The following ARHGAP15 variants were observed in gnomAD, a reference collection of about 807,000 sequenced individuals.
The protein encoded by ARHGAP15 is rho GTPase-activating protein 15.
Under a neutral mutation model 63.7 loss-of-function variants are expected in ARHGAP15, and 51 were observed. The ratio of observed to expected loss-of-function variants is 0.80; its 90% CI spans 0.64 to 1.01. The LOEUF (loss-of-function observed/expected upper bound fraction) is 1.01, where lower values mean the gene tolerates loss of function less well. Among genes scored for constraint, ARHGAP15 ranks in the 50% least tolerant of loss-of-function variants. The probability of loss-of-function intolerance (pLI) is 0.00; values close to 1 mark genes in which losing one functional copy is unlikely to be tolerated. For missense variants in ARHGAP15, 560 were observed against 564.6 expected (o/e 0.99, Z 0.08); for synonymous variants, 191 against 193.8 (o/e 0.99, Z 0.12).
In ARHGAP15 at chr2:143,645,165, A is replaced by C. The variant is rs565254509; in HGVS notation, c.1138+20898A>C. On this transcript the variant is annotated intron_variant, in intron 12 of 13. Coordinates refer to ENST00000295095, the MANE Select transcript of ARHGAP15 (RefSeq NM_018460.4). ...AAAATGAACTTTGGCTAATTTTGGC[A>C]TAAGCTCTCCAGCTCTACAAGCCAA... Among the ~76,000 whole-genome samples, 3 of 152,250 alleles carry C rather than the reference A, an allele frequency of 2.0e-5. No homozygotes were observed. The East Asian group carries it at 5.8e-4, about 29-fold the overall frequency.
intron 10 of ARHGAP15, among the ~76,000 whole-genome samples, chr2:143,533,079 T>C (rs1242547561): frequency 6.6e-6 from 1 of 152,204 alleles, no homozygotes; most frequent in Non-Finnish European, 1.5e-5. Context: ...TAACACACAA[T>C]GACACATTAG....
chr2:143,246,740 A>G (rs1243178055), intron 5 of ARHGAP15, among the ~76,000 whole-genome samples: 1 of 152,072 alleles, frequency 6.6e-6, no homozygotes, highest in African/African-American at 2.4e-5. Context: ...GAAGCCAGGA[A>G]GGAATTCAGA....
rs1488397543 is a variant in ARHGAP15, at chr2:143,720,509, C to T, written c.1244+16985C>T. ...GTCAACTAATTGCTAGAAAAAAAGA[C>T]TGCCCTCTATCGACGCAGATGCACC... On this transcript the variant is annotated intron_variant, in intron 13 of 13. Coordinates refer to ENST00000295095, the MANE Select transcript of ARHGAP15 (RefSeq NM_018460.4). Among the ~76,000 whole-genome samples, 5 of 152,130 alleles carry T rather than the reference C, an allele frequency of 3.3e-5. No homozygotes were observed. The East Asian group carries it at 9.7e-4, about 29-fold the overall frequency.
intron 6 of ARHGAP15, among the ~76,000 whole-genome samples, chr2:143,270,648 A>C (rs1681232309): frequency 6.6e-6 from 1 of 152,154 alleles, no homozygotes; most frequent in Admixed American, 6.5e-5. Flanking sequence ...GAGACATTTT[A>C]TTTCTTTGGT....
intron 13 of ARHGAP15, among the ~76,000 whole-genome samples, chr2:143,761,663 C>G (rs1334429445): frequency 6.6e-6 from 1 of 152,118 alleles, no homozygotes; most frequent in Non-Finnish European, 1.5e-5. Context: ...TAAGAAATTT[C>G]TTTGAATTAG....
chr2:143,538,000 C>G (rs997911093), intron 10 of ARHGAP15, among the ~76,000 whole-genome samples: 4 of 152,166 alleles, frequency 2.6e-5, no homozygotes, highest in Non-Finnish European at 5.9e-5. Context: ...ATTGATTCTT[C>G]CTACCCATGA....
chr2:143,740,575 T>C (rs555181512), intron 13 of ARHGAP15, among the ~76,000 whole-genome samples: 2 of 152,290 alleles, frequency 1.3e-5, no homozygotes, highest in South Asian at 4.1e-4. Context: ...GTTGATACTG[T>C]TTGAGAAATT....
chr2:143,402,924 A>G (rs1688046937), intron 6 of ARHGAP15, among the ~76,000 whole-genome samples: 1 of 151,784 alleles, frequency 6.6e-6, no homozygotes, highest in African/African-American at 2.4e-5. Flanking sequence ...GACAACCTAT[A>G]TTTTTCTTAT....
chr2:143,601,892 A>G (rs1357668485), intron 11 of ARHGAP15, among the ~76,000 whole-genome samples: 1 of 152,146 alleles, frequency 6.6e-6, no homozygotes, highest in Non-Finnish European at 1.5e-5. Context: ...TACTTAGCTT[A>G]CCTTTTTTAC....
intron 9 of ARHGAP15, among the ~76,000 whole-genome samples, chr2:143,494,845 G>GAATGCTTT (rs2104917476): frequency 6.6e-6 from 1 of 152,294 alleles, no homozygotes; most frequent in Non-Finnish European, 1.5e-5. Context: ...AAAGGATACA[G>GAATGCTTT]AATGCTTTAT....
At chr2:143,375,378 CT>C (rs1232490501) in intron 6 of ARHGAP15, among the ~76,000 whole-genome samples, 1 of 152,120 alleles carries the variant, frequency 6.6e-6, no homozygotes, top group Non-Finnish European at 1.5e-5. Context: ...TTTTCTGTGA[CT>C]TTTATGGCCT....
chr2:143,633,210 C>A (rs759790353), intron 12 of ARHGAP15, among the ~76,000 whole-genome samples: 2 of 152,070 alleles, frequency 1.3e-5, no homozygotes, highest in African/African-American at 4.8e-5. Context: ...CACGTGTGCA[C>A]GCAAACTGGA....
chr2:143,665,815 A>G (rs1319465101), intron 12 of ARHGAP15, among the ~76,000 whole-genome samples: 2 of 151,532 alleles, frequency 1.3e-5, no homozygotes, highest in African/African-American at 4.8e-5. Flanking sequence ...ACTCCCATTC[A>G]CAATTGCTTC....
intron 6 of ARHGAP15, among the ~76,000 whole-genome samples, chr2:143,401,795 CGGT>C (rs1687998368): frequency 6.6e-6 from 1 of 151,844 alleles, no homozygotes; most frequent in South Asian, 2.1e-4. Context: ...TTTTTCCTAT[CGGT>C]GGTGTGTGTC....
rs70982879 is a variant in ARHGAP15 at position 143,673,758 on chromosome 2, G to GTATATATATATA, written c.1139-29646_1139-29635dup. Reference sequence around the variant, plus strand: ...TGTGTGTGTGTGTGTGTGTGTGTGTGTATATATATATATATATATATATAT... The same window carrying GTATATATATATA: ...TGTGTGTGTGTGTGTGTGTGTGTGTGTATATATATATATATATATATATATATATATATATAT... On this transcript the variant is annotated intron_variant, in intron 12 of 13. Transcript: ENST00000295095. 7.3e-3 allele frequency among the ~76,000 whole-genome samples: 162 copies of GTATATATATATA among 22,116 alleles called. 13 individuals carry two copies. The highest frequency in any genetic ancestry group is 0.016 in the East Asian group (5 of 304). 14.5% of individuals were successfully genotyped at this position (22,116 alleles called of 152,430 possible).
At chr2:143,684,783 G>A (rs907246041) in intron 12 of ARHGAP15, among the ~76,000 whole-genome samples, 17 of 152,184 alleles carry the variant, frequency 1.1e-4, no homozygotes, top group Non-Finnish European at 1.5e-4. Flanking sequence ...AGTAGGGGTT[G>A]AGGGAAGGTG....
At chr2:143,147,213 G>A (rs1558774663) in intron 1 of ARHGAP15, among the ~76,000 whole-genome samples, 2 of 152,052 alleles carry the variant, frequency 1.3e-5, no homozygotes, top group African/African-American at 4.8e-5. Context: ...GTGAGGGTCT[G>A]AGACTCCATT....
intron 13 of ARHGAP15, among the ~76,000 whole-genome samples, chr2:143,744,156 T>C (rs1686070808): frequency 6.6e-6 from 1 of 152,216 alleles, no homozygotes; most frequent in African/African-American, 2.4e-5. Context: ...CAGAACTTAC[T>C]TTTAGGGTGG....
At chr2:143,631,088 T>G (rs1157359496) in intron 12 of ARHGAP15, among the ~76,000 whole-genome samples, 1 of 152,154 alleles carries the variant, frequency 6.6e-6, no homozygotes, top group Non-Finnish European at 1.5e-5. Flanking sequence ...TCATACAGTA[T>G]GCACTCTTTT....
Sources: gnomAD v4.1 joint callset for allele counts (sites outside exome capture counted in the v4.1 genomes callset) on GRCh38, gnomAD v4.1.1 for gene constraint, MANE v1.5 for transcripts, NCBI Gene and HGNC (gene_info 2026-07-23, HGNC 2026-07-21) for gene names.